C2orf74: variants seen among roughly 807,000 people sequenced by gnomAD.
C2orf74 encodes the protein uncharacterized protein C2orf74.
In C2orf74, 14 loss-of-function variants were observed where a neutral mutation model predicts 17.9. That is an observed-to-expected ratio of 0.78 (90% CI 0.52 to 1.22). The LOEUF (loss-of-function observed/expected upper bound fraction) is 1.22, where lower values mean the gene tolerates loss of function less well. C2orf74 is among the 50% of genes most tolerant of loss of function. The pLI is 0.00. For missense variants in C2orf74, 217 were observed against 218.4 expected, an observed-to-expected ratio of 0.99 and a Z score of 0.04; for synonymous variants, 79 against 72.6, an observed-to-expected ratio of 1.09 and a Z score of -0.44.
Position 61,145,709 on chromosome 2 carries a change from C to T in C2orf74, c.-122+513C>T, listed in dbSNP as rs528966290. ...AAGTGCTGGGATTACAGGCGTGAGC[C>T]ACCGCGCCCGGCCTGTTTTGTATTT... On this transcript the variant is annotated intron_variant, in intron 1 of 3. Coordinates refer to the C2orf74 transcript ENST00000426997. 3.9e-5 allele frequency among the ~76,000 whole-genome samples: 6 copies of T among 152,288 alleles called. No homozygotes were observed. The South Asian group carries it at 1.2e-3, about 32-fold the overall frequency.
At chr2:61,152,654 G>A (rs1685264698) in intron 1 of C2orf74, among the ~76,000 whole-genome samples, 1 of 151,846 alleles carries the variant, frequency 6.6e-6, no homozygotes, top group Admixed American at 6.6e-5. Flanking sequence ...TTCGAGATCA[G>A]CCTGGGCAAC....
At chr2:61,161,887 G>C (rs914081362), upstream of C2orf74, 1 of 152,820 alleles carries the variant, frequency 6.5e-6, no homozygotes, top group Admixed American at 6.5e-5. Context: ...TATACCAATT[G>C]TTCATGGTCT....
intron 4 of C2orf74, among the ~76,000 whole-genome samples, chr2:61,163,476 C>T (rs1198141987): frequency 7.2e-5 from 11 of 151,972 alleles, no homozygotes; most frequent in Non-Finnish European, 1.0e-4. Context: ...TGGTGGCACC[C>T]GCCTGTAATC....
chr2:61,162,184 T>TA, upstream of C2orf74: 12 of 293,890 alleles, frequency 4.1e-5, no homozygotes, highest in South Asian at 1.8e-4. Flanking sequence ...GCTCCAGCTG[T>TA]TCCGATTCCT....
Position 61,162,245 on chromosome 2 carries a change from A to C in C2orf74, c.-175A>C, listed in dbSNP as rs572528698. ...TGGGGTGAGGGAGGTGAGCTGCGTG[A>C]TCACACATGTCCCAGCTCAGTCTCC... is the stretch of plus-strand genomic sequence containing the variant. On this transcript the variant is annotated 5_prime_UTR_variant, in exon 1 of 5. Coordinates refer to ENST00000432605, the MANE Select transcript of C2orf74 (RefSeq NM_001143959.4). 8.6e-6 allele frequency: 4 copies of C among 466,522 alleles called. No homozygotes were observed. In the East Asian group the frequency reaches 1.1e-4, roughly 13 times the overall value. 28.9% of individuals were successfully genotyped at this position (466,522 alleles called of 1,614,324 possible). A position where few individuals can be genotyped will look rare whatever the true frequency, so the allele number is the denominator to read the frequency against.
At chr2:61,156,980 A>G (rs150635812) in intron 1 of C2orf74, among the ~76,000 whole-genome samples, 4 of 152,306 alleles carry the variant, frequency 2.6e-5, no homozygotes, top group Non-Finnish European at 4.4e-5. Flanking sequence ...CAGTCTATAG[A>G]TAACACTTAG....
upstream of C2orf74, among the ~76,000 whole-genome samples, chr2:61,161,273 A>G (rs1420792186): frequency 6.6e-6 from 1 of 152,174 alleles, no homozygotes; most frequent in East Asian, 1.9e-4. Flanking sequence ...GAGTTGTAGG[A>G]GTTCTTCATA....
rs1223791210 is a variant in C2orf74 at position 61,163,116 on chromosome 2, A to G, written c.274A>G (p.Ser92Gly). The change falls in exon 4 of 5, where the codon AGT becomes GGT. Residue 92 changes from serine (S) to glycine (G), a missense_variant. Ser to Gly is a moderately conservative substitution (Grantham distance 56). Transcript: ENST00000432605. ...GCCTGGCATTCTTGTCCAGAGACAG[A>G]GTAAGGAAGTGTTGGCCACACCCTT... ...MRPGILVQRQ[S>G]KEVLATPLEN... 1.9e-6 allele frequency: 3 copies of G among 1,552,230 alleles called. No homozygotes were observed. Among genetic ancestry groups the G allele is most frequent in the Admixed American group, 3.9e-5 (2 of 51,012 alleles).
chr2:61,163,445 A>T (rs1685632741), intron 4 of C2orf74, among the ~76,000 whole-genome samples: 1 of 151,976 alleles, frequency 6.6e-6, no homozygotes, highest in Non-Finnish European at 1.5e-5. Flanking sequence ...CTCTACTAAA[A>T]ATACAAAAAT....
At chr2:61,149,420 T>A (rs1240301689) in intron 1 of C2orf74, among the ~76,000 whole-genome samples, 1 of 152,080 alleles carries the variant, frequency 6.6e-6, no homozygotes, top group Admixed American at 6.6e-5. Context: ...CTTCAAGGTT[T>A]ATTCCAGAGC....
chr2:61,145,714 C>T lies in C2orf74; in HGVS notation c.-122+518C>T, dbSNP rs550637680. Among the ~76,000 whole-genome samples, 127 of 152,270 alleles carry T rather than the reference C, an allele frequency of 8.3e-4. 2 individuals are homozygous for T. The South Asian group carries it at 0.024, about 29-fold the overall frequency. ...CTGGGATTACAGGCGTGAGCCACCG[C>T]GCCCGGCCTGTTTTGTATTTTATTT... On this transcript the variant is annotated intron_variant, in intron 1 of 3. Coordinates refer to the C2orf74 transcript ENST00000426997.
chr2:61,149,145 G>A (rs958376693), intron 1 of C2orf74, among the ~76,000 whole-genome samples: 9 of 152,120 alleles, frequency 5.9e-5, no homozygotes, highest in South Asian at 2.1e-4. Context: ...GCCTAACTAC[G>A]GAGACCAAAA....
At chr2:61,160,681 G>A (rs1012308729), upstream of C2orf74, among the ~76,000 whole-genome samples, 3 of 151,166 alleles carry the variant, frequency 2.0e-5, no homozygotes, top group Non-Finnish European at 2.9e-5. Context: ...GCTAGTTTTT[G>A]TATTTTTAGT....
chr2:61,148,943 G>A (rs1685145920), intron 1 of C2orf74, among the ~76,000 whole-genome samples: 1 of 152,136 alleles, frequency 6.6e-6, no homozygotes, highest in Admixed American at 6.6e-5. Context: ...CCTGTGTCGG[G>A]GCAGGAGGTC....
chr2:61,149,619 C>T (rs548070733), intron 1 of C2orf74, among the ~76,000 whole-genome samples: 2 of 145,552 alleles, frequency 1.4e-5, no homozygotes, highest in Admixed American at 1.4e-4. Flanking sequence ...CGCTCTGTTG[C>T]CCAGGCTGGA....
In C2orf74 at chr2:61,164,499, A is replaced by AT. The variant is rs533295376; in HGVS notation, c.537dup (p.Thr180TyrfsTer5). ...AATGAATACCCTACACCTCGAAGCT[A>AT]TACTCGAGAACATAAAGAGAGGAAA... On this transcript the variant is annotated frameshift_variant, in exon 5 of 5. Transcript: ENST00000432605. LOFTEE classifies it high-confidence loss of function. 1 of 1,543,520 alleles carries AT rather than the reference A, an allele frequency of 6.5e-7. No homozygotes were observed. The highest frequency in any genetic ancestry group is 1.4e-5 in the African/African-American group (1 of 72,712).
upstream of C2orf74, among the ~76,000 whole-genome samples, chr2:61,158,460 G>A (rs557162825): frequency 1.6e-4 from 24 of 152,300 alleles, no homozygotes; most frequent in South Asian, 2.9e-3. Flanking sequence ...TATATCAAGT[G>A]AGAACTCAGA....
chr2:61,164,383 T>A lies in C2orf74; in HGVS notation c.420T>A (p.Ser140=). 6.5e-7 allele frequency: 1 copy of A among 1,548,448 alleles called. No individual in the cohort carries two copies. Among genetic ancestry groups the A allele is most frequent in the Non-Finnish European group, 8.7e-7 (1 of 1,146,064 alleles). ...EDDGLQKIHT[S]VTRTPSVVES... ...ATGGTTTGCAGAAAATACACACATC[T>A]GTCACTAGAACTCCTTCAGTTGTTG... is the stretch of plus-strand genomic sequence containing the variant. The change falls in exon 5 of 5, where the codon TCT becomes TCA. Residue 140 remains serine, a synonymous_variant. Transcript: ENST00000432605.
upstream of C2orf74, among the ~76,000 whole-genome samples, chr2:61,158,849 G>A (rs1458747886): frequency 1.3e-5 from 2 of 152,182 alleles, no homozygotes; most frequent in Non-Finnish European, 2.9e-5. Flanking sequence ...GACCAGGGGA[G>A]AGTCCATTTC....
Sources: gnomAD v4.1 joint callset for allele counts (sites outside exome capture counted in the v4.1 genomes callset) on GRCh38, gnomAD v4.1.1 for gene constraint, MANE v1.5 for transcripts, NCBI Gene and HGNC (gene_info 2026-07-23, HGNC 2026-07-21) for gene names.